Variants in SPECC1L observed in about 807,000 individuals in gnomAD.
SPECC1L encodes the protein cytospin-A.
Under a neutral mutation model 116.8 loss-of-function variants are expected in SPECC1L, and 40 were observed. The observed-to-expected ratio is 0.34, with a 90% CI of 0.27 to 0.45. The LOEUF is 0.45. Among genes scored for constraint, SPECC1L ranks in the 20% least tolerant of loss-of-function variants. The probability of loss-of-function intolerance (pLI) is 1.00; values close to 1 mark genes in which losing one functional copy is unlikely to be tolerated. For missense variants in SPECC1L, 1,110 were observed against 1,373.6 expected, an observed-to-expected ratio of 0.81 and a Z score of 3.03; for synonymous variants, 504 against 500.6, an observed-to-expected ratio of 1.01 and a Z score of -0.09.
chr22:24,355,633 CT>C (rs774444400), intron 11 of SPECC1L, among the ~76,000 whole-genome samples: 2 of 152,132 alleles, frequency 1.3e-5, no homozygotes, highest in Non-Finnish European at 2.9e-5. Context: ...GGGTGAGAAA[CT>C]TGGCTCTCAT....
At chr22:24,411,863 C>G (rs937716258) in intron 15 of SPECC1L, among the ~76,000 whole-genome samples, 159 bp downstream of exon 15, 8 of 152,268 alleles carry the variant, frequency 5.3e-5, no homozygotes, top group African/African-American at 1.7e-4. Context: ...CATGCTGAGC[C>G]CACCAGTCCC....
At chr22:24,335,956 G>T (rs1483802759) in intron 9 of SPECC1L, among the ~76,000 whole-genome samples, 1 of 151,896 alleles carries the variant, frequency 6.6e-6, no homozygotes, top group African/African-American at 2.4e-5. Context: ...TATAAAGATA[G>T]TATTATGTAT....
At chr22:24,304,740 A>G (rs1452622089) in intron 3 of SPECC1L, among the ~76,000 whole-genome samples, 2 of 152,240 alleles carry the variant, frequency 1.3e-5, no homozygotes, top group African/African-American at 2.4e-5. Context: ...ATATTTCTCC[A>G]TGATTATTTG....
intron 3 of SPECC1L, among the ~76,000 whole-genome samples, chr22:24,306,442 G>A (rs144481451): frequency 0.034 from 5,147 of 151,876 alleles, 177 homozygotes; most frequent in African/African-American, 0.083. Flanking sequence ...GTACAATGGC[G>A]TGATCCTAGC....
chr22:24,307,884 G>A (rs2146424560), intron 3 of SPECC1L, among the ~76,000 whole-genome samples: 1 of 151,112 alleles, frequency 6.6e-6, no homozygotes, highest in Admixed American at 6.6e-5. Context: ...TTCATATTTA[G>A]ATCCTCAATC....
chr22:24,368,198 C>T (rs1425037395), intron 13 of SPECC1L, among the ~76,000 whole-genome samples: 15 of 152,208 alleles, frequency 9.9e-5, no homozygotes, highest in Admixed American at 7.9e-4. Context: ...TGTATAGCCA[C>T]GGAATTTTAA....
chr22:24,314,423 A>G (rs1366989101), intron 4 of SPECC1L, among the ~76,000 whole-genome samples: 2 of 152,214 alleles, frequency 1.3e-5, no homozygotes, highest in Non-Finnish European at 2.9e-5. Context: ...CATTCCTTAA[A>G]TCATAACTTA....
intron 14 of SPECC1L, among the ~76,000 whole-genome samples, chr22:24,389,650 C>T (rs2042228691): frequency 6.6e-6 from 1 of 151,892 alleles, no homozygotes; most frequent in Non-Finnish European, 1.5e-5. Context: ...AAAAGAAGTA[C>T]TTACCTTTAT....
At chr22:24,349,241 A>G (rs903643141) in intron 11 of SPECC1L, among the ~76,000 whole-genome samples, 4 of 152,092 alleles carry the variant, frequency 2.6e-5, no homozygotes, top group Non-Finnish European at 4.4e-5. Context: ...GGGTTTTGCC[A>G]TGTTGGCCAG....
At chr22:24,396,212 G>A (rs1331167214) in intron 14 of SPECC1L, among the ~76,000 whole-genome samples, 2 of 152,058 alleles carry the variant, frequency 1.3e-5, no homozygotes, top group Non-Finnish European at 2.9e-5. Context: ...CACTTGTTGT[G>A]CACAACCAGA....
intron 3 of SPECC1L, among the ~76,000 whole-genome samples, chr22:24,305,036 A>T (rs1352704904): frequency 1.3e-5 from 2 of 152,220 alleles, no homozygotes; most frequent in Non-Finnish European, 2.9e-5. Context: ...TTTATGTGTG[A>T]GAATGCACAT....
chr22:24,284,381 C>G (rs2049001909), intron 2 of SPECC1L, among the ~76,000 whole-genome samples: 1 of 152,068 alleles, frequency 6.6e-6, no homozygotes, highest in Non-Finnish European at 1.5e-5. Flanking sequence ...TCAGAATTTT[C>G]CAGAGATATT....
chr22:24,280,611 T>C (rs1259609381), intron 2 of SPECC1L, among the ~76,000 whole-genome samples: 1 of 143,670 alleles, frequency 7.0e-6, no homozygotes, highest in African/African-American at 2.6e-5. Context: ...ACAGTGTCAC[T>C]CTGTTGCTCA....
In SPECC1L at chr22:24,322,011, A is replaced by C. The variant is rs200018524; in HGVS notation, c.1031A>C (p.Asn344Thr). 4.3e-6 allele frequency: 7 copies of C among 1,614,186 alleles called. No individual in the cohort carries two copies. The highest frequency in any genetic ancestry group is 5.1e-6 in the Non-Finnish European group (6 of 1,180,026). The change falls in exon 5 of 17, where the codon AAT becomes ACT. Residue 344 changes from asparagine (N) to threonine (T), a missense_variant. Asn to Thr is a moderately conservative substitution (Grantham distance 65). Coordinates refer to ENST00000314328, the MANE Select transcript of SPECC1L (RefSeq NM_015330.6). Reference protein sequence around the residue: ...MDHQHSNSMDNLDSECSEVYQ... With the variant: ...MDHQHSNSMDTLDSECSEVYQ... Reference sequence around the variant, plus strand: ...CATCAGCACAGTAACTCCATGGACAATTTAGACAGTGAGTGCAGTGAGGTC... The same window carrying C: ...CATCAGCACAGTAACTCCATGGACACTTTAGACAGTGAGTGCAGTGAGGTC...
chr22:24,321,879 C>T lies in SPECC1L; in HGVS notation c.899C>T (p.Pro300Leu), dbSNP rs756605337. 6 of 1,614,232 alleles carry T rather than the reference C, an allele frequency of 3.7e-6. No individual in the cohort carries two copies. In the South Asian group the frequency reaches 5.5e-5, roughly 15 times the overall value. ...CAGTCCCTGAGCCCAGAAATCACCC[C>T]TGGTAACCAGAGCGATGGAGGAGGA... is the stretch of plus-strand genomic sequence containing the variant. ...GYQSLSPEIT[P>L]GNQSDGGGTL... Residue 300 changes from proline to leucine, a missense_variant, in exon 5 of 17, where the codon CCT becomes CTT. Transcript: ENST00000314328.
intron 14 of SPECC1L, among the ~76,000 whole-genome samples, chr22:24,395,853 C>G (rs1312520230): frequency 2.0e-5 from 3 of 152,136 alleles, no homozygotes; most frequent in African/African-American, 7.2e-5. Context: ...GTTGGCCAGG[C>G]TGGTCTCGAA....
chr22:24,327,072 G>C (rs1276731360), intron 6 of SPECC1L, among the ~76,000 whole-genome samples: 2 of 151,934 alleles, frequency 1.3e-5, no homozygotes, highest in Non-Finnish European at 2.9e-5. Context: ...GAGGTCAGGA[G>C]TTCAAGACCA....
chr22:24,347,062 A>G, intron 10 of SPECC1L, 24 bp from the exon 11 acceptor site: 3 of 1,574,124 alleles, frequency 1.9e-6, no homozygotes, highest in South Asian at 1.1e-5. Context: ...TTTAACTTTG[A>G]TGTTGTTTAT....
intron 4 of SPECC1L, among the ~76,000 whole-genome samples, chr22:24,316,694 G>A (rs28624386): frequency 6.7e-6 from 1 of 149,350 alleles, no homozygotes; most frequent in East Asian, 2.0e-4. Context: ...ACACAGACAC[G>A]GCAACCATCC....
Sources: gnomAD v4.1 joint callset for allele counts (sites outside exome capture counted in the v4.1 genomes callset) on GRCh38, gnomAD v4.1.1 for gene constraint, MANE v1.5 for transcripts, NCBI Gene and HGNC (gene_info 2026-07-23, HGNC 2026-07-21) for gene names.